SLIT2: variants seen among roughly 807,000 people sequenced by gnomAD.
SLIT2 encodes slit guidance ligand 2.
Under a neutral mutation model 185.7 loss-of-function variants are expected in SLIT2, and 41 were observed. The ratio of observed to expected loss-of-function variants is 0.22; its 90% CI spans 0.17 to 0.29. The LOEUF is 0.29. Ranked by LOEUF, SLIT2 falls within the 10% of genes least tolerant of loss-of-function variation. The probability of loss-of-function intolerance (pLI) is 1.00; values close to 1 mark genes in which losing one functional copy is unlikely to be tolerated. For missense variants in SLIT2, 1,571 were observed against 1,909.0 expected (o/e 0.82, Z 3.30); for synonymous variants, 693 against 680.2 (o/e 1.02, Z -0.29).
intron 4 of SLIT2, among the ~76,000 whole-genome samples, chr4:20,301,873 G>A (rs1307818992): frequency 1.3e-5 from 2 of 152,022 alleles, no homozygotes; most frequent in African/African-American, 4.8e-5. Context: ...GACAGTGATC[G>A]GGCTAAATGT....
chr4:20,521,957 C>A (rs1388408535), intron 12 of SLIT2, among the ~76,000 whole-genome samples: 1 of 152,068 alleles, frequency 6.6e-6, no homozygotes, highest in East Asian at 1.9e-4. Context: ...GTTAAAAGTT[C>A]TAAGTATCAA....
intron 11 of SLIT2, among the ~76,000 whole-genome samples, chr4:20,511,746 A>T (rs1277215359): frequency 6.6e-6 from 1 of 151,700 alleles, no homozygotes; most frequent in Admixed American, 6.6e-5. Context: ...TATTTCTAAA[A>T]GAAAAAGAAA....
chr4:20,387,053 A>G (rs1035552586), intron 4 of SLIT2, among the ~76,000 whole-genome samples: 1 of 152,118 alleles, frequency 6.6e-6, no homozygotes, highest in Admixed American at 6.6e-5. Flanking sequence ...GTCTTACAGG[A>G]CGGAATTACC....
chr4:20,361,489 C>T (rs1722742518), intron 4 of SLIT2, among the ~76,000 whole-genome samples: 1 of 152,182 alleles, frequency 6.6e-6, no homozygotes, highest in South Asian at 2.1e-4. Flanking sequence ...TTAGCAGTAG[C>T]ATTAAATCCA....
chr4:20,617,733 G>GAA (rs66600811), intron 36 of SLIT2, 83 bp downstream of exon 36: 702 of 496,244 alleles, frequency 1.4e-3, no homozygotes, highest in South Asian at 2.8e-3. Context: ...GAGAAAAAGT[G>GAA]AAAAAAAAAA....
chr4:20,432,355 A>G (rs1729058745), intron 4 of SLIT2, among the ~76,000 whole-genome samples: 1 of 152,194 alleles, frequency 6.6e-6, no homozygotes, highest in Non-Finnish European at 1.5e-5. Flanking sequence ...TAATTAGTTT[A>G]CTGCTTAGTC....
At chr4:20,556,104 G>A (rs1724227803) in intron 26 of SLIT2, among the ~76,000 whole-genome samples, 1 of 151,936 alleles carries the variant, frequency 6.6e-6, no homozygotes, top group Non-Finnish European at 1.5e-5. Flanking sequence ...TTTTATTGCA[G>A]TGCCTCTCTG....
intron 4 of SLIT2, among the ~76,000 whole-genome samples, chr4:20,407,515 C>T (rs77533942): frequency 0.069 from 10,500 of 152,212 alleles, 365 homozygotes; most frequent in Admixed American, 0.087. Flanking sequence ...GCCATCTCTT[C>T]GACTACCCTC....
chr4:20,506,444 C>T (rs1719214309), intron 9 of SLIT2, among the ~76,000 whole-genome samples: 1 of 151,976 alleles, frequency 6.6e-6, no homozygotes, highest in African/African-American at 2.4e-5. Flanking sequence ...TAAAATTCAG[C>T]AGCTTCTATG....
At chr4:20,530,731 G>T (rs1304233268) in intron 16 of SLIT2, among the ~76,000 whole-genome samples, 1 of 152,008 alleles carries the variant, frequency 6.6e-6, no homozygotes, top group Non-Finnish European at 1.5e-5. Context: ...ATATTTGCAA[G>T]TCATGTATCT....
At chr4:20,354,926 A>T (rs1283642542) in intron 4 of SLIT2, among the ~76,000 whole-genome samples, 1 of 151,558 alleles carries the variant, frequency 6.6e-6, no homozygotes, top group East Asian at 2.0e-4. Flanking sequence ...AGAGAGAGAG[A>T]GAGAGAGAGA....
Position 20,511,593 on chromosome 4 carries a change from T to TTTTTTTTTTTAA in SLIT2, c.1058+467_1058+468insATTTTTTTTTTA, listed in dbSNP as rs1553915385. Among the ~76,000 whole-genome samples the TTTTTTTTTTTAA allele has an allele frequency of 1.3e-3, 172 of 134,310 alleles. 5 individuals carry two copies. The highest frequency in any genetic ancestry group is 0.012 in the Middle Eastern group (3 of 258). 88.1% of individuals were successfully genotyped at this position (134,310 alleles called of 152,430 possible). On this transcript the variant is annotated intron_variant, in intron 11 of 36. Coordinates refer to ENST00000504154, the MANE Select transcript of SLIT2 (RefSeq NM_004787.4). ...CTGCCACCACATCCAGCTAATTTTT[T>TTTTTTTTTTTAA]TTTTTTTTTTATTTTTGGTAGAGAT...
At chr4:20,325,110 A>T (rs192018826) in intron 4 of SLIT2, among the ~76,000 whole-genome samples, 1 of 150,186 alleles carries the variant, frequency 6.7e-6, no homozygotes, top group African/African-American at 2.5e-5. Context: ...TTTCCCTCCT[A>T]CTTTCTCACC....
intron 4 of SLIT2, among the ~76,000 whole-genome samples, chr4:20,382,334 G>C (rs1724593798): frequency 6.6e-6 from 1 of 152,036 alleles, no homozygotes; most frequent in Non-Finnish European, 1.5e-5. Context: ...TTTTCCAGAT[G>C]TCCTAGCCTG....
At chr4:20,283,840 A>G (rs781329163) in intron 4 of SLIT2, among the ~76,000 whole-genome samples, 2 of 152,140 alleles carry the variant, frequency 1.3e-5, no homozygotes, top group African/African-American at 4.8e-5. Flanking sequence ...GTGCCTAAAG[A>G]TCTATTCTTA....
intron 9 of SLIT2, among the ~76,000 whole-genome samples, chr4:20,494,771 C>T (rs1718078189): frequency 6.7e-6 from 1 of 148,902 alleles, no homozygotes; most frequent in Non-Finnish European, 1.5e-5. Flanking sequence ...GAGCTAGACT[C>T]CGTCTCAAAA....
intron 4 of SLIT2, among the ~76,000 whole-genome samples, chr4:20,338,722 C>T (rs534168632): frequency 1.3e-5 from 2 of 152,040 alleles, no homozygotes; most frequent in Admixed American, 1.3e-4. Flanking sequence ...GGGAGGGGTT[C>T]TTTTATTATA....
intron 4 of SLIT2, among the ~76,000 whole-genome samples, chr4:20,396,416 A>T (rs774267040): frequency 6.6e-6 from 1 of 151,804 alleles, no homozygotes; most frequent in East Asian, 1.9e-4. Context: ...CTGAATTGCC[A>T]TGCTGTCTAC....
intron 4 of SLIT2, among the ~76,000 whole-genome samples, chr4:20,450,240 C>T (rs959247270): frequency 6.6e-6 from 1 of 152,162 alleles, no homozygotes; most frequent in Non-Finnish European, 1.5e-5. Flanking sequence ...AACAGTGTTG[C>T]ATATCCTCTC....
Sources: allele counts gnomAD v4.1 joint callset (sites outside exome capture counted in the v4.1 genomes callset), GRCh38; gene constraint gnomAD v4.1.1; transcripts MANE v1.5; gene names NCBI Gene and HGNC (gene_info 2026-07-23, HGNC 2026-07-21).